INVS: variants seen among roughly 807,000 people sequenced by gnomAD.
The protein encoded by INVS is inversin.
Under a neutral mutation model 108.8 loss-of-function variants are expected in INVS, and 86 were observed. That is an observed-to-expected ratio of 0.79 (90% CI 0.66 to 0.95). The LOEUF is 0.95. Ranked by LOEUF, INVS falls within the 40% of genes least tolerant of loss-of-function variation. INVS has a pLI of 0.00. For synonymous variants in INVS, 455 were observed against 473.5 expected, an observed-to-expected ratio of 0.96 and a Z score of 0.51; for missense variants, 1,169 against 1,297.4, an observed-to-expected ratio of 0.90 and a Z score of 1.52.
chr9:100,196,179 A>G (rs1830367863), intron 3 of INVS, among the ~76,000 whole-genome samples: 1 of 152,122 alleles, frequency 6.6e-6, no homozygotes. Context: ...TTTCTTTTAT[A>G]GATTTAGACT....
intron 3 of INVS, among the ~76,000 whole-genome samples, chr9:100,190,408 G>A (rs1209218939): frequency 6.6e-6 from 1 of 152,108 alleles, no homozygotes; most frequent in African/African-American, 2.4e-5. Context: ...AGTCATCATT[G>A]TTGACTGTTA....
Position 100,252,457 on chromosome 9 carries a change from T to C in INVS, c.1234+19T>C, listed in dbSNP as rs1832267692. ...ATTAAAGGTGGGCTAATAAGAGTAC[T>C]CCTAATAAGTCTCTCTTAACAGGTA... On this transcript the variant is annotated intron_variant, in intron 9 of 16. Coordinates refer to ENST00000262457, the MANE Select transcript of INVS (RefSeq NM_014425.5). 3 of 1,607,270 alleles carry C rather than the reference T, an allele frequency of 1.9e-6. No individual in the cohort carries two copies. Among genetic ancestry groups the C allele is most frequent in the South Asian group, 2.2e-5 (2 of 90,940 alleles).
rs568949799 is a variant in INVS, at chr9:100,290,572, G to A, written c.2069-1754G>A. Among the ~76,000 whole-genome samples, 13 of 152,118 alleles carry A rather than the reference G, an allele frequency of 8.5e-5. No individual in the cohort carries two copies. The South Asian group carries it at 2.3e-3, about 27-fold the overall frequency. On this transcript the variant is annotated intron_variant, in intron 13 of 16. Transcript: ENST00000262457. ...TCTCCACATCGGTCAGGCTGGTCTC[G>A]AACTCCCGACCTCAGGTGATCTGCC...
At chr9:100,135,172 A>T (rs893741139) in intron 3 of INVS, among the ~76,000 whole-genome samples, 3 of 152,194 alleles carry the variant, frequency 2.0e-5, no homozygotes, top group East Asian at 1.9e-4. Flanking sequence ...AGTATTATTT[A>T]AAAAATGATA....
intron 3 of INVS, chr9:100,129,739 C>T (rs746537909): frequency 1.7e-5 from 12 of 698,416 alleles, no homozygotes; most frequent in African/African-American, 5.3e-5. Flanking sequence ...AAGAGAAACA[C>T]GTAAAGTGAG....
chr9:100,266,870 A>G (rs1395709688), intron 11 of INVS, among the ~76,000 whole-genome samples: 2 of 152,148 alleles, frequency 1.3e-5, no homozygotes, highest in African/African-American at 4.8e-5. Flanking sequence ...TCTTTCTATT[A>G]GTTGGTGGAA....
chr9:100,298,613 C>G (rs1833860524), intron 16 of INVS, among the ~76,000 whole-genome samples: 1 of 120,728 alleles, frequency 8.3e-6, no homozygotes. Context: ...GCAACACGCT[C>G]CCCCCTGCCT....
At chr9:100,109,621 T>A (rs1189060486) in intron 2 of INVS, among the ~76,000 whole-genome samples, 1 of 152,232 alleles carries the variant, frequency 6.6e-6, no homozygotes, top group East Asian at 1.9e-4. Flanking sequence ...ACTGTCCATG[T>A]TCTGAGCAGC....
chr9:100,241,287 T>C (rs1831864343), intron 6 of INVS, among the ~76,000 whole-genome samples: 1 of 152,166 alleles, frequency 6.6e-6, no homozygotes, highest in Non-Finnish European at 1.5e-5. Flanking sequence ...TGTAACTAAA[T>C]TGACTTTTTG....
At position 100,252,980 on chromosome 9, in the gene INVS, T is replaced by G. The variant is rs763188192; in HGVS notation, c.1308T>G (p.Ala436=). The G allele has an allele frequency of 1.2e-6, 2 of 1,614,014 alleles. No individual in the cohort carries two copies. Among genetic ancestry groups the G allele is most frequent in the Non-Finnish European group, 1.7e-6 (2 of 1,179,904 alleles). The change falls in exon 10 of 17, where the codon GCT becomes GCG. Residue 436 remains alanine (A), a synonymous_variant. Coordinates refer to ENST00000262457, the MANE Select transcript of INVS (RefSeq NM_014425.5). ...ATTGGGCAGCACTGGGAGGAAATGC[T>G]GATGTTTGCCAGATATTAATAGAAA... The part of the protein sequence containing the change: ...LLHWAALGGN[A]DVCQILIENK...
At chr9:100,198,587 C>T (rs1830453098) in intron 3 of INVS, among the ~76,000 whole-genome samples, 1 of 150,630 alleles carries the variant, frequency 6.6e-6, no homozygotes, top group African/African-American at 2.4e-5. Flanking sequence ...ATGTGAGCCA[C>T]CGTCGCCTGG....
At chr9:100,232,410 G>A (rs1831542242) in intron 5 of INVS, among the ~76,000 whole-genome samples, 1 of 152,104 alleles carries the variant, frequency 6.6e-6, no homozygotes, top group South Asian at 2.1e-4. Flanking sequence ...TGGTGTTTTA[G>A]TCATGAAGTC....
chr9:100,287,214 T>C (rs1029182854), intron 13 of INVS, among the ~76,000 whole-genome samples: 3 of 152,206 alleles, frequency 2.0e-5, no homozygotes, highest in Admixed American at 2.0e-4. Flanking sequence ...GTGGTTTTCA[T>C]CCTCCAGTAG....
intron 2 of INVS, chr9:100,120,778 G>A (rs1020908298): frequency 3.9e-5 from 6 of 152,188 alleles, no homozygotes; most frequent in Non-Finnish European, 7.3e-5. Flanking sequence ...AGTTATCAAG[G>A]TTCTTTATTA....
chr9:100,214,439 C>T (rs1414176573), intron 3 of INVS, among the ~76,000 whole-genome samples: 2 of 152,142 alleles, frequency 1.3e-5, no homozygotes, highest in African/African-American at 4.8e-5. Context: ...AATAAAGAGT[C>T]ACTTTATTTC....
chr9:100,177,624 A>T (rs1829759262), intron 3 of INVS, among the ~76,000 whole-genome samples: 1 of 152,214 alleles, frequency 6.6e-6, no homozygotes, highest in Admixed American at 6.5e-5. Context: ...CAGAAGCCCC[A>T]GTCAGGGGCT....
intron 3 of INVS, among the ~76,000 whole-genome samples, chr9:100,156,231 T>C (rs1231857919): frequency 2.6e-5 from 4 of 151,658 alleles, no homozygotes; most frequent in Non-Finnish European, 2.9e-5. Flanking sequence ...GAAACAAACA[T>C]GTTAAAACTC....
At chr9:100,185,535 A>ATG in intron 3 of INVS, among the ~76,000 whole-genome samples, 1 of 101,080 alleles carries the variant, frequency 9.9e-6, no homozygotes, top group Non-Finnish European at 2.3e-5. Flanking sequence ...ATATATATAT[A>ATG]TATATATATA....
chr9:100,298,411 C>G (rs1425129129), intron 16 of INVS: 1 of 782,232 alleles, frequency 1.3e-6, no homozygotes, highest in Non-Finnish European at 1.6e-6. Flanking sequence ...ACACTGAGAG[C>G]ATGTACAGCC....
Sources: gnomAD v4.1 joint callset for allele counts (sites outside exome capture counted in the v4.1 genomes callset) on GRCh38, gnomAD v4.1.1 for gene constraint, MANE v1.5 for transcripts, NCBI Gene and HGNC (gene_info 2026-07-23, HGNC 2026-07-21) for gene names.